CENPP: variants seen among roughly 807,000 people sequenced by gnomAD.
CENPP encodes the protein centromere protein P.
In CENPP, 24 loss-of-function variants were observed where a neutral mutation model predicts 35.6. That is an observed-to-expected ratio of 0.67 (90% CI 0.49 to 0.95). The LOEUF is 0.95. Among genes scored for constraint, CENPP ranks in the 40% least tolerant of loss-of-function variants. The pLI is 0.00. For missense variants in CENPP, 332 were observed against 345.3 expected (o/e 0.96, Z 0.31); for synonymous variants, 120 against 125.5 (o/e 0.96, Z 0.29).
chr9:92,358,485 C>A (rs916409863), intron 4 of CENPP, among the ~76,000 whole-genome samples: 13 of 152,116 alleles, frequency 8.5e-5, no homozygotes, highest in Admixed American at 1.3e-4. Context: ...CTCAAGTGAT[C>A]CACCCACCTT....
intron 3 of CENPP, among the ~76,000 whole-genome samples, chr9:92,338,518 A>G (rs1588038136): frequency 6.6e-6 from 1 of 152,196 alleles, no homozygotes; most frequent in African/African-American, 2.4e-5. Context: ...TGTAAACGCT[A>G]TGAAATAGTT....
intron 5 of CENPP, among the ~76,000 whole-genome samples, chr9:92,609,615 GTC>G (rs770301563): frequency 5.9e-5 from 9 of 152,368 alleles, no homozygotes; most frequent in Non-Finnish European, 7.3e-5. Context: ...AGGAAAGCAC[GTC>G]TCTCAGAGAC....
At position 92,618,479 on chromosome 9, in the gene CENPP, G is replaced by A. The variant is rs1331105891; in HGVS notation, c.*5330G>A. 2 of 456,542 alleles carry A rather than the reference G, an allele frequency of 4.4e-6. No homozygotes were observed. The highest frequency in any genetic ancestry group is 4.7e-5 in the Admixed American group (2 of 42,550). 28.3% of individuals were successfully genotyped at this position (456,542 alleles called of 1,614,324 possible). On this transcript the variant is annotated 3_prime_UTR_variant, in exon 8 of 8. Transcript: ENST00000375587. ...CAGCGGCCTTTCACAGCCCACCTAA[G>A]GGCACCCTGCATCCAAGCACATTTC...
rs577506317 is a variant in CENPP at position 92,476,801 on chromosome 9, T to C, written c.564+96942T>C. On this transcript the variant is annotated intron_variant, in intron 5 of 7. Coordinates refer to ENST00000375587, the MANE Select transcript of CENPP (RefSeq NM_001012267.3). This position sits in a 1 kb window ranked among gnomAD's most constrained non-coding sequence, Gnocchi z 4.1. ...CTTGCCCAAAGTCACCTACCAAATA[T>C]AAATGGAGCCAGAGCTAGGGCTCAT... Among the ~76,000 whole-genome samples the C allele has an allele frequency of 1.5e-4, 23 of 152,310 alleles. No homozygotes were observed. The highest frequency in any genetic ancestry group is 3.4e-3 in the Middle Eastern group (1 of 294).
chr9:92,569,083 T>TA (rs1425802910), intron 5 of CENPP, among the ~76,000 whole-genome samples: 16 of 152,298 alleles, frequency 1.1e-4, no homozygotes, highest in Middle Eastern at 3.4e-3. Context: ...CACTTTAGTT[T>TA]AGTAGATCCC....
At chr9:92,558,638 C>T (rs903457881) in intron 5 of CENPP, among the ~76,000 whole-genome samples, 1 of 152,058 alleles carries the variant, frequency 6.6e-6, no homozygotes, top group Admixed American at 6.6e-5. Flanking sequence ...GGTGATGCTT[C>T]CTGGAAGGCA....
At chr9:92,437,069 G>A (rs936349199) in intron 5 of CENPP, among the ~76,000 whole-genome samples, 3 of 152,132 alleles carry the variant, frequency 2.0e-5, no homozygotes, top group Non-Finnish European at 4.4e-5. Context: ...GGGCATGGTG[G>A]CAGGTGCCTG....
chr9:92,522,248 G>A (rs1435593401), intron 5 of CENPP, among the ~76,000 whole-genome samples: 2 of 151,746 alleles, frequency 1.3e-5, no homozygotes, highest in African/African-American at 4.8e-5. Flanking sequence ...CACCACACCC[G>A]GCTAATTTTT....
chr9:92,545,566 G>A (rs568587442), intron 5 of CENPP, among the ~76,000 whole-genome samples: 7 of 152,218 alleles, frequency 4.6e-5, no homozygotes, highest in African/African-American at 1.2e-4. Flanking sequence ...GAGCCTCCCC[G>A]ACGAGCTCTG....
At chr9:92,527,852 A>G (rs546189725) in intron 5 of CENPP, 1 of 154,112 alleles carries the variant, frequency 6.5e-6, no homozygotes. Flanking sequence ...TACATTCTGC[A>G]TACAGTATAT....
At chr9:92,535,324 T>C (rs1849102342) in intron 5 of CENPP, among the ~76,000 whole-genome samples, 1 of 152,226 alleles carries the variant, frequency 6.6e-6, no homozygotes, top group Non-Finnish European at 1.5e-5. Flanking sequence ...CACTTAATAT[T>C]TGCTTTCATA....
chr9:92,355,364 C>G (rs1377789784), intron 4 of CENPP, among the ~76,000 whole-genome samples: 1 of 151,992 alleles, frequency 6.6e-6, no homozygotes, highest in East Asian at 1.9e-4. Context: ...CTCCTACTTG[C>G]ATGTCTGTTT....
intron 5 of CENPP, chr9:92,393,323 T>G: frequency 9.3e-7 from 1 of 1,069,904 alleles, no homozygotes; most frequent in South Asian, 1.9e-5. Context: ...TTATTGCTAT[T>G]ATGAATGCTA....
rs945451598 is a variant in CENPP, at chr9:92,352,386, C to CA, written c.467+6607dup. Reference sequence around the variant, plus strand: ...TCATCTGAAAAAACAAAACCAAAACCAAAAAAAACTAAGATAGTTCTGTGA... The same window carrying CA: ...TCATCTGAAAAAACAAAACCAAAACCAAAAAAAAACTAAGATAGTTCTGTGA... On this transcript the variant is annotated intron_variant, in intron 4 of 7. Coordinates refer to ENST00000375587, the MANE Select transcript of CENPP (RefSeq NM_001012267.3). 2.1e-5 allele frequency among the ~76,000 whole-genome samples: 3 copies of CA among 144,770 alleles called. No individual in the cohort carries two copies. In the South Asian group the frequency reaches 6.6e-4, roughly 32 times the overall value. The allele number at this position is 144,770 out of a possible 152,430, so 95.0% of individuals were successfully genotyped here.
chr9:92,444,654 T>A (rs1844505787), intron 5 of CENPP, among the ~76,000 whole-genome samples: 1 of 152,204 alleles, frequency 6.6e-6, no homozygotes, highest in African/African-American at 2.4e-5. Flanking sequence ...AAGCTCTGCA[T>A]ATGGTGTGTT....
chr9:92,402,584 A>C (rs1196695337), intron 5 of CENPP, among the ~76,000 whole-genome samples: 2 of 152,140 alleles, frequency 1.3e-5, no homozygotes, highest in Non-Finnish European at 2.9e-5. Flanking sequence ...TTGCCCATAA[A>C]GGTGGGGAAT....
At chr9:92,415,369 A>T (rs905388975) in intron 5 of CENPP, 11 of 1,613,404 alleles carry the variant, frequency 6.8e-6, no homozygotes, top group Non-Finnish European at 9.3e-6. Context: ...GCAGAAGAAG[A>T]TGTATGAGCT....
chr9:92,351,549 C>G (rs2130814366), intron 4 of CENPP, among the ~76,000 whole-genome samples: 1 of 152,166 alleles, frequency 6.6e-6, no homozygotes, highest in South Asian at 2.1e-4. Flanking sequence ...TCCTCATCCA[C>G]CATTCTACTT....
intron 5 of CENPP, chr9:92,403,515 A>G: frequency 1.4e-6 from 2 of 1,455,602 alleles, no homozygotes; most frequent in African/African-American, 1.4e-5. Context: ...TCGAAGCAAT[A>G]TTTAAAAGCT....
Sources: allele counts gnomAD v4.1 joint callset (sites outside exome capture counted in the v4.1 genomes callset), GRCh38; gene constraint gnomAD v4.1.1; non-coding constraint Gnocchi (gnomAD v3.1); transcripts MANE v1.5; gene names NCBI Gene and HGNC (gene_info 2026-07-23, HGNC 2026-07-21).